The following COL5A3 variants were observed in gnomAD, a reference collection of about 807,000 sequenced individuals.
The protein encoded by COL5A3 is collagen alpha-3(V) chain.
A neutral mutation model predicts 250.0 loss-of-function variants in COL5A3; 172 were observed. That is an observed-to-expected ratio of 0.69 (90% confidence interval 0.61 to 0.78). The LOEUF (loss-of-function observed/expected upper bound fraction) is 0.78. Among genes scored for constraint, COL5A3 ranks in the 30% least tolerant of loss-of-function variants. The pLI is 0.00. For synonymous variants in COL5A3, 937 were observed against 900.4 expected (o/e 1.04, Z -0.73); for missense variants, 2,340 against 2,334.4 (o/e 1.00, Z -0.05).
At chr19:9,984,314 C>T (rs763066075) in intron 31 of COL5A3, among the ~76,000 whole-genome samples, 18 of 152,094 alleles carry the variant, frequency 1.2e-4, no homozygotes, top group Non-Finnish European at 1.9e-4. Context: ...TGAGCCACTG[C>T]GCCCAGCCCC....
chr19:9,981,740 T>C (rs968799887), intron 32 of COL5A3, among the ~76,000 whole-genome samples: 2 of 152,208 alleles, frequency 1.3e-5, no homozygotes, highest in Non-Finnish European at 2.9e-5. Context: ...TTGCACACAT[T>C]TATGCCCACC....
chr19:10,003,343 G>A (rs2087390904), intron 6 of COL5A3, among the ~76,000 whole-genome samples: 1 of 152,082 alleles, frequency 6.6e-6, no homozygotes, highest in African/African-American at 2.4e-5. Context: ...ATCATAAGAT[G>A]GGACCCACCC....
chr19:9,979,971 C>G (rs774062485), intron 36 of COL5A3, 23 bp downstream of exon 36: 5 of 1,579,482 alleles, frequency 3.2e-6, no homozygotes, highest in Admixed American at 2.0e-5. Flanking sequence ...CACCCAACCC[C>G]CAATGAGGGT....
At chr19:9,996,734 G>T (rs1451051278) in intron 11 of COL5A3, 45 bp from the exon 12 acceptor site, 3 of 1,490,268 alleles carry the variant, frequency 2.0e-6, no homozygotes, top group Non-Finnish European at 2.7e-6. Context: ...GGGAGAGAGG[G>T]AGAGAGAGAG....
Position 9,968,325 on chromosome 19 carries a change from A to T in COL5A3, c.4314+60T>A. 1 of 1,370,008 alleles carries T rather than the reference A, an allele frequency of 7.3e-7. No homozygotes were observed. Among genetic ancestry groups the T allele is most frequent in the Non-Finnish European group, 1.0e-6 (1 of 979,452 alleles). 84.9% of individuals were successfully genotyped at this position (1,370,008 alleles called of 1,614,324 possible). On this transcript the variant is annotated intron_variant, in intron 59 of 66. Transcript: ENST00000264828. The surrounding 1 kb of genome is among the most constrained non-coding windows in gnomAD (Gnocchi z 4.1). ...CACGTTTCCCAGACCCCACACCCACAGTCTCTCAACCGACCCCCTCCTTCA... is the reference window on the plus strand; with the variant it reads ...CACGTTTCCCAGACCCCACACCCACTGTCTCTCAACCGACCCCCTCCTTCA...
At chr19:9,986,845 A>G (rs1487795278) in intron 27 of COL5A3, 87 bp from the exon 28 acceptor site, 45 of 1,478,066 alleles carry the variant, frequency 3.0e-5, no homozygotes, top group Non-Finnish European at 3.6e-5. Flanking sequence ...AGCAGCCAGG[A>G]TAGTCCCAAG....
At chr19:9,993,115 A>G (rs1178454527) in intron 19 of COL5A3, 48 bp from the exon 20 acceptor site, 1 of 1,592,654 alleles carries the variant, frequency 6.3e-7, no homozygotes, top group East Asian at 2.2e-5. Context: ...CAACCCTCGG[A>G]GAGCCACCTC....
At chr19:9,963,086 G>A (rs1448582631) in intron 64 of COL5A3, among the ~76,000 whole-genome samples, 199 bp from the exon 65 acceptor site, 4 of 152,138 alleles carry the variant, frequency 2.6e-5, no homozygotes, top group African/African-American at 4.8e-5. Flanking sequence ...AATGACTAAT[G>A]GGAGTTGGTG....
intron 65 of COL5A3, among the ~76,000 whole-genome samples, chr19:9,961,616 T>C (rs1232686905): frequency 1.3e-5 from 2 of 150,360 alleles, no homozygotes; most frequent in Non-Finnish European, 1.5e-5. Flanking sequence ...TGGAGTGCAG[T>C]GGCATGGTCT....
intron 52 of COL5A3, 32 bp from the exon 53 acceptor site, chr19:9,971,060 T>G: frequency 6.7e-7 from 1 of 1,489,896 alleles, no homozygotes; most frequent in Non-Finnish European, 8.9e-7. Context: ...TTGGGAGGGG[T>G]GATGAGGGTA....
rs2145141946 is a variant in COL5A3 at position 10,003,578 on chromosome 19, G to T, written c.836C>A (p.Ser279Tyr). Residue 279 changes from serine to tyrosine, a missense_variant, in exon 6 of 67, where the codon TCC (serine) becomes TAC (tyrosine). Physicochemically the swap from Ser to Tyr is moderately radical, Grantham distance 144 (BLOSUM62 -2). Coordinates refer to ENST00000264828, the MANE Select transcript of COL5A3 (RefSeq NM_015719.4). The part of the protein sequence containing the change: ...EIWTSSPPPD[S>Y]AENQTSTDIP... ...CAGGGCCCTTACCTGGTTCTCTGCGGAGTCAGGAGGTGGACTTGAGGTCCA... is the reference window on the plus strand; with the variant it reads ...CAGGGCCCTTACCTGGTTCTCTGCGTAGTCAGGAGGTGGACTTGAGGTCCA... 1 of 1,614,182 alleles carries T rather than the reference G, an allele frequency of 6.2e-7. No individual in the cohort carries two copies. Among genetic ancestry groups the T allele is most frequent in the East Asian group, 2.2e-5 (1 of 44,880 alleles).
rs73007134 is a variant in COL5A3 at position 10,009,089 on chromosome 19, C to T, written c.88+1209G>A. ...ATGTGGATGTGTGAGCGTGGGAATGCGGCATAGTCCAATCAGGGATTAACC... is the reference window on the plus strand; with the variant it reads ...ATGTGGATGTGTGAGCGTGGGAATGTGGCATAGTCCAATCAGGGATTAACC... On this transcript the variant is annotated intron_variant, in intron 1 of 66. Coordinates refer to ENST00000264828, the MANE Select transcript of COL5A3 (RefSeq NM_015719.4). This position sits in a 1 kb window ranked among gnomAD's most constrained non-coding sequence, Gnocchi z 4.4. Among the ~76,000 whole-genome samples the T allele has an allele frequency of 2.0e-5, 3 of 151,606 alleles. No individual in the cohort carries two copies. Among genetic ancestry groups the T allele is most frequent in the Non-Finnish European group, 4.4e-5 (3 of 67,948 alleles).
intron 27 of COL5A3, among the ~76,000 whole-genome samples, chr19:9,988,755 C>T (rs888377780): frequency 5.6e-5 from 8 of 141,594 alleles, no homozygotes; most frequent in African/African-American, 1.8e-4. Flanking sequence ...CGCTTGAATC[C>T]GGGAGGAGGC....
chr19:9,977,942 C>CTATA (rs751164946), intron 41 of COL5A3, among the ~76,000 whole-genome samples: 36 of 89,678 alleles, frequency 4.0e-4, no homozygotes, highest in Non-Finnish European at 7.2e-4. Context: ...TCCTGGCAGC[C>CTATA]TATACATATA....
At position 9,960,695 on chromosome 19, in the gene COL5A3, G is replaced by T. The variant is rs2086661039; in HGVS notation, c.5047C>A (p.Gln1683Lys). The T allele has an allele frequency of 6.2e-7, 1 of 1,613,854 alleles. No homozygotes were observed. The highest frequency in any genetic ancestry group is 8.5e-7 in the Non-Finnish European group (1 of 1,180,022). Residue 1683 changes from glutamine (Q) to lysine (K), a missense_variant, in exon 66 of 67, where the codon CAG (glutamine) becomes AAG (lysine). By Grantham distance (53) the Gln-to-Lys change is moderately conservative (BLOSUM62 1). This residue lies in a region of COL5A3 where 1,179 missense variants were observed against 1,162.6 expected (regional missense o/e 1.01). Coordinates refer to ENST00000264828, the MANE Select transcript of COL5A3 (RefSeq NM_015719.4). ...GTNGEELSFN[Q>K]TTAATVSVPQ... ...ACGCTGACAGTGGCTGCTGTCGTCTGGTTGAAAGACAGCTCCTCTCCATTG... is the reference window on the plus strand; with the variant it reads ...ACGCTGACAGTGGCTGCTGTCGTCTTGTTGAAAGACAGCTCCTCTCCATTG...
chr19:9,960,023 A>T lies in COL5A3; in HGVS notation c.*388T>A, dbSNP rs1408341657. ...GTGCTTAACTCTGGGGAGGGGTAGC[A>T]CCAAAAGGTGTGAAGGGCAGCGACG... On this transcript the variant is annotated 3_prime_UTR_variant, in exon 67 of 67. Transcript: ENST00000264828. The T allele has an allele frequency of 8.3e-6, 2 of 240,694 alleles. No individual in the cohort carries two copies. The highest frequency in any genetic ancestry group is 1.6e-5 in the Non-Finnish European group (2 of 121,498). The allele number at this position is 240,694 out of a possible 1,614,324, so 14.9% of individuals were successfully genotyped here.
At chr19:10,008,988 G>T (rs1179167933) in intron 1 of COL5A3, among the ~76,000 whole-genome samples, 3 of 152,074 alleles carry the variant, frequency 2.0e-5, no homozygotes, top group Non-Finnish European at 4.4e-5. Flanking sequence ...GAAGGGGGTT[G>T]CCTGGACACG....
rs1482387717 is a variant in COL5A3, at chr19:10,006,230, A to T, written c.90T>A (p.Asp30Glu). ...CCAGGGCCTTCAGGACATCCACAGG[A>T]TCTGCAGCAGAGAGAAGCCGGGGGT... ...ALQLLPGTQA[D>E]PVDVLKALGV... Residue 30 changes from aspartate to glutamate, a missense_variant and splice_region_variant, in exon 2 of 67, where the codon GAT becomes GAA. Transcript: ENST00000264828. The T allele has an allele frequency of 1.3e-6, 2 of 1,595,290 alleles. No individual in the cohort carries two copies. Among genetic ancestry groups the T allele is most frequent in the South Asian group, 2.3e-5 (2 of 88,538 alleles).
At chr19:9,965,452 G>C (rs1444637192) in intron 64 of COL5A3, among the ~76,000 whole-genome samples, 7 of 135,962 alleles carry the variant, frequency 5.1e-5, no homozygotes, top group Admixed American at 7.4e-5. Flanking sequence ...CACCGCGCCC[G>C]GCCTTCTTTT....
Sources: gnomAD v4.1 joint callset for allele counts (sites outside exome capture counted in the v4.1 genomes callset) on GRCh38, gnomAD v4.1.1 for gene constraint, gnomAD v4.1.1 regional missense constraint, Gnocchi (gnomAD v3.1) non-coding constraint, MANE v1.5 for transcripts, NCBI Gene and HGNC (gene_info 2026-07-23, HGNC 2026-07-21) for gene names.